The following NTM variants were observed in gnomAD, a reference collection of about 807,000 sequenced individuals.
NTM encodes the protein neurotrimin.
Under a neutral mutation model 42.1 loss-of-function variants are expected in NTM, and 13 were observed. The ratio of observed to expected loss-of-function variants is 0.31; its 90% CI spans 0.20 to 0.49. The LOEUF (loss-of-function observed/expected upper bound fraction) is 0.49, where lower values mean the gene tolerates loss of function less well. Ranked by LOEUF, NTM falls within the 20% of genes least tolerant of loss-of-function variation. The pLI is 0.99. For missense variants in NTM, 373 were observed against 452.8 expected, an observed-to-expected ratio of 0.82 and a Z score of 1.60; for synonymous variants, 187 against 179.2, an observed-to-expected ratio of 1.04 and a Z score of -0.35.
chr11:132,099,792 T>C (rs929862106), intron 2 of NTM, among the ~76,000 whole-genome samples: 5 of 152,208 alleles, frequency 3.3e-5, no homozygotes, highest in Non-Finnish European at 7.3e-5. Context: ...GAAGGTCAGG[T>C]GCTTTCTCAC....
intron 4 of NTM, among the ~76,000 whole-genome samples, chr11:132,256,988 C>T (rs1013881435): frequency 2.6e-5 from 4 of 152,200 alleles, no homozygotes; most frequent in Non-Finnish European, 5.9e-5. Flanking sequence ...CCCCATCTGT[C>T]ACCGCGCCCC....
At chr11:132,217,333 C>A (rs1176873198) in intron 4 of NTM, among the ~76,000 whole-genome samples, 1 of 140,092 alleles carries the variant, frequency 7.1e-6, no homozygotes, top group Non-Finnish European at 1.6e-5. Context: ...CACTCTTGTG[C>A]CTCTTTCTCT....
chr11:132,162,824 T>TTG lies in NTM; in HGVS notation c.400+16320_400+16321dup, dbSNP rs1297339616. Reference sequence around the variant, plus strand: ...TTGTATAGGGAGTGTGTATGTGATCTTGTGTGTGTGTTTGTGGAGCATGTG... The same window carrying TTG: ...TTGTATAGGGAGTGTGTATGTGATCTTGTGTGTGTGTGTTTGTGGAGCATGTG... On this transcript the variant is annotated intron_variant, in intron 3 of 8. Transcript: ENST00000683400. Among the ~76,000 whole-genome samples the TTG allele has an allele frequency of 3.4e-5, 5 of 148,390 alleles. No homozygotes were observed. In the East Asian group the frequency reaches 1.0e-3, roughly 30 times the overall value.
At chr11:131,544,618 C>T (rs1371041636) in intron 1 of NTM, among the ~76,000 whole-genome samples, 5 of 152,170 alleles carry the variant, frequency 3.3e-5, no homozygotes, top group African/African-American at 9.7e-5. Context: ...GATATCTCAT[C>T]TTGGAATGTT....
chr11:131,915,841 G>C (rs913630117), intron 2 of NTM, among the ~76,000 whole-genome samples: 10 of 152,130 alleles, frequency 6.6e-5, no homozygotes, highest in African/African-American at 2.4e-4. Context: ...GAGCAGTATG[G>C]GGAAAACTGC....
At chr11:131,458,502 C>T (rs977188724) in intron 1 of NTM, among the ~76,000 whole-genome samples, 1 of 152,178 alleles carries the variant, frequency 6.6e-6, no homozygotes, top group Non-Finnish European at 1.5e-5. Flanking sequence ...CATTTACCTT[C>T]CCTCAGCCTC....
rs981777757 is a variant in NTM at position 132,320,040 on chromosome 11, C to A, written c.934+5337C>A. On this transcript the variant is annotated intron_variant, in intron 7 of 8. Coordinates refer to ENST00000683400, the MANE Select transcript of NTM (RefSeq NM_001352005.2). ...TGGACCTCTAGCAAACTCCAACAGA[C>A]CTGCAGATGAGGGTCCTGTCTGTTA... Among the ~76,000 whole-genome samples the A allele has an allele frequency of 2.3e-4, 35 of 152,210 alleles. 1 individual carries two copies. The highest frequency in any genetic ancestry group is 1.3e-4 in the Non-Finnish European group (9 of 68,048).
chr11:132,043,925 C>T (rs973609304), intron 2 of NTM, among the ~76,000 whole-genome samples: 5 of 151,538 alleles, frequency 3.3e-5, no homozygotes, highest in African/African-American at 7.3e-5. Flanking sequence ...GCATTACTGC[C>T]ATCTCAGCAT....
At chr11:132,102,176 C>T (rs1478747738) in intron 2 of NTM, among the ~76,000 whole-genome samples, 1 of 152,234 alleles carries the variant, frequency 6.6e-6, no homozygotes, top group African/African-American at 2.4e-5. Context: ...GGAAACATTA[C>T]TTTAGCTCCC....
intron 2 of NTM, among the ~76,000 whole-genome samples, chr11:132,126,923 G>A (rs1424151334): frequency 6.6e-6 from 1 of 152,224 alleles, no homozygotes; most frequent in Non-Finnish European, 1.5e-5. Flanking sequence ...CCTTTCAAAT[G>A]TTGGGAAACT....
chr11:131,723,166 G>A (rs1006358888), intron 1 of NTM, among the ~76,000 whole-genome samples: 9 of 152,312 alleles, frequency 5.9e-5, no homozygotes, highest in African/African-American at 7.2e-5. Flanking sequence ...GAGTCTAGCC[G>A]TTGAAAGTTA....
chr11:131,819,293 C>G (rs927690769), intron 1 of NTM, among the ~76,000 whole-genome samples: 7 of 152,272 alleles, frequency 4.6e-5, no homozygotes, highest in South Asian at 4.1e-4. Flanking sequence ...ACTACAGAAG[C>G]CTGAGCTGCA....
chr11:131,969,320 G>A (rs1160329283), intron 2 of NTM, among the ~76,000 whole-genome samples: 1 of 152,172 alleles, frequency 6.6e-6, no homozygotes, highest in African/African-American at 2.4e-5. Flanking sequence ...GGTGATCGAA[G>A]ACAGGTCACA....
intron 2 of NTM, among the ~76,000 whole-genome samples, chr11:132,083,486 G>A (rs772483503): frequency 6.6e-6 from 1 of 152,154 alleles, no homozygotes; most frequent in Non-Finnish European, 1.5e-5. Context: ...GCCTAGCCAT[G>A]GGTTTCTATC....
intron 1 of NTM, among the ~76,000 whole-genome samples, chr11:131,420,563 C>A (rs1362125432): frequency 6.6e-6 from 1 of 152,098 alleles, no homozygotes; most frequent in Non-Finnish European, 1.5e-5. Context: ...ATTGTGGAGG[C>A]TTAAGGCCCA....
At chr11:132,212,324 C>G (rs1386169395) in intron 4 of NTM, among the ~76,000 whole-genome samples, 177 bp downstream of exon 4, 1 of 152,088 alleles carries the variant, frequency 6.6e-6, no homozygotes, top group Non-Finnish European at 1.5e-5. Flanking sequence ...AACAGCCATA[C>G]CCTCTAAGAT....
chr11:131,456,381 C>T (rs1950893338), intron 1 of NTM, among the ~76,000 whole-genome samples: 1 of 152,182 alleles, frequency 6.6e-6, no homozygotes, highest in African/African-American at 2.4e-5. Flanking sequence ...TTGAGTATGA[C>T]AGGAATGACC....
chr11:132,314,541 G>GTT lies in NTM; in HGVS notation c.783-9_783-8dup. On this transcript the variant is annotated splice_polypyrimidine_tract_variant and intron_variant, in intron 6 of 8. Transcript: ENST00000683400. ...CTTGTTTTCTTCTTTTTTGTCTTTT[G>GTT]TTTCTCTCAGACTGATTGAAGGAAA... 1 of 1,599,012 alleles carries GTT rather than the reference G, an allele frequency of 6.3e-7. No homozygotes were observed. The highest frequency in any genetic ancestry group is 8.5e-7 in the Non-Finnish European group (1 of 1,174,388).
Position 131,897,641 on chromosome 11 carries a change from A to G in NTM, c.83-13923A>G, listed in dbSNP as rs150638758. Among the ~76,000 whole-genome samples the G allele has an allele frequency of 5.0e-3, 762 of 152,350 alleles. 4 individuals carry two copies. The highest frequency in any genetic ancestry group is 0.017 in the African/African-American group (720 of 41,590). On this transcript the variant is annotated intron_variant, in intron 1 of 8. Coordinates refer to ENST00000683400, the MANE Select transcript of NTM (RefSeq NM_001352005.2). ...ACTCGAGTAGAGCAAATATAAAGGT[A>G]GAAATAACTTCTGAAAATAGTCAAA...
Sources: gnomAD v4.1 joint callset for allele counts (sites outside exome capture counted in the v4.1 genomes callset) on GRCh38, gnomAD v4.1.1 for gene constraint, MANE v1.5 for transcripts, NCBI Gene and HGNC (gene_info 2026-07-23, HGNC 2026-07-21) for gene names.